SEMA4D: variants seen among roughly 807,000 people sequenced by gnomAD.
SEMA4D encodes the protein semaphorin 4D.
In SEMA4D, 22 loss-of-function variants were observed where a neutral mutation model predicts 74.8. The observed-to-expected ratio is 0.29, with a 90% CI of 0.21 to 0.42. The LOEUF is 0.42. SEMA4D is among the 10% of genes least tolerant of loss of function. The probability of loss-of-function intolerance (pLI) is 1.00; values close to 1 mark genes in which losing one functional copy is unlikely to be tolerated. For synonymous variants in SEMA4D, 445 were observed against 463.7 expected (o/e 0.96, Z 0.52); for missense variants, 937 against 1,118.4 (o/e 0.84, Z 2.31).
At chr9:89,483,716 G>A (rs1252484063) in intron 1 of SEMA4D, among the ~76,000 whole-genome samples, 1 of 101,556 alleles carries the variant, frequency 9.8e-6, no homozygotes, top group Non-Finnish European at 2.2e-5. Context: ...AAAACTTACT[G>A]GCATGTGTGC....
In SEMA4D at chr9:89,412,123, C is replaced by A. The variant is rs535122389; in HGVS notation, c.-243-6424G>T. Among the ~76,000 whole-genome samples the A allele has an allele frequency of 3.3e-5, 5 of 152,156 alleles. No individual in the cohort carries two copies. The East Asian group carries it at 9.6e-4, about 29-fold the overall frequency. On this transcript the variant is annotated intron_variant, in intron 2 of 15. Coordinates refer to ENST00000422704, the MANE Select transcript of SEMA4D (RefSeq NM_001371194.2). The stretch of plus-strand genomic sequence containing the variant: ...GTGGTATTGTTTTCATAGCACTTGG[C>A]CTAAGGACCTAAAAACGCCTCCCTG...
At chr9:89,468,717 T>C (rs564700006) in intron 1 of SEMA4D, among the ~76,000 whole-genome samples, 10 of 152,082 alleles carry the variant, frequency 6.6e-5, no homozygotes, top group African/African-American at 2.2e-4. Context: ...TGGCTGCGGG[T>C]TTCTTCTCAC....
At chr9:89,425,296 C>T (rs915658945) in intron 2 of SEMA4D, among the ~76,000 whole-genome samples, 5 of 152,206 alleles carry the variant, frequency 3.3e-5, no homozygotes, top group African/African-American at 1.2e-4. Flanking sequence ...AGCTCGAAGG[C>T]CAGGGCAACC....
chr9:89,455,563 AGCTGGTGCTGAGGCT>A (rs1248550261), intron 2 of SEMA4D, among the ~76,000 whole-genome samples: 2 of 152,142 alleles, frequency 1.3e-5, no homozygotes, highest in Non-Finnish European at 1.5e-5. Context: ...CTGCCGGGGA[AGCTGGTGCTGAGGCT>A]GGGTACTGGG....
At chr9:89,386,307 A>G in intron 13 of SEMA4D, 60 bp downstream of exon 13, 1 of 1,344,864 alleles carries the variant, frequency 7.4e-7, no homozygotes, top group South Asian at 1.3e-5. Context: ...CTCTCCTGTC[A>G]CCTAGAATCA....
At chr9:89,430,362 G>GTCT (rs1411467498) in intron 2 of SEMA4D, among the ~76,000 whole-genome samples, 1 of 152,144 alleles carries the variant, frequency 6.6e-6, no homozygotes, top group Non-Finnish European at 1.5e-5. Flanking sequence ...TGAGTTAGAT[G>GTCT]CCCTCCAAGC....
intron 1 of SEMA4D, among the ~76,000 whole-genome samples, chr9:89,457,321 C>CA (rs1856186502): frequency 6.6e-6 from 1 of 152,174 alleles, no homozygotes; most frequent in Admixed American, 6.5e-5. Flanking sequence ...CACAAAGCTA[C>CA]ACCATGAGGG....
intron 2 of SEMA4D, among the ~76,000 whole-genome samples, chr9:89,437,753 C>T (rs1235941049): frequency 6.6e-6 from 1 of 152,220 alleles, no homozygotes; most frequent in Non-Finnish European, 1.5e-5. Context: ...GACAGCCACA[C>T]AAATGAGGTC....
intron 16 of SEMA4D, chr9:89,364,241 C>T: frequency 2.0e-6 from 1 of 504,348 alleles, no homozygotes; most frequent in Non-Finnish European, 3.5e-6. Context: ...CAGCGCTGTG[C>T]TGGTTTCTTA....
chr9:89,443,530 C>A (rs1852147372), intron 2 of SEMA4D, among the ~76,000 whole-genome samples: 1 of 152,250 alleles, frequency 6.6e-6, no homozygotes, highest in African/African-American at 2.4e-5. Flanking sequence ...ATAATAGCCA[C>A]CCGGGAAGCA....
chr9:89,480,790 C>G (rs577715710), intron 1 of SEMA4D, among the ~76,000 whole-genome samples: 1 of 152,372 alleles, frequency 6.6e-6, no homozygotes, highest in South Asian at 2.1e-4. Context: ...TGTTCCCGCT[C>G]CTGCCTCTCC....
chr9:89,495,472 C>A (rs909954650), intron 1 of SEMA4D, among the ~76,000 whole-genome samples: 4 of 152,070 alleles, frequency 2.6e-5, no homozygotes, highest in African/African-American at 9.7e-5. Flanking sequence ...ATGCAATGGG[C>A]AGGGCTGAGG....
chr9:89,453,156 A>G (rs577446317), intron 2 of SEMA4D, among the ~76,000 whole-genome samples: 72 of 152,342 alleles, frequency 4.7e-4, no homozygotes, highest in African/African-American at 1.7e-3. Context: ...GTGCAGGTGA[A>G]GCAGCCCTGC....
At chr9:89,430,356 TTAGA>T (rs1348344944) in intron 2 of SEMA4D, among the ~76,000 whole-genome samples, 1 of 151,996 alleles carries the variant, frequency 6.6e-6, no homozygotes, top group Non-Finnish European at 1.5e-5. Flanking sequence ...ACTGGGTGAG[TTAGA>T]TGCCCTCCAA....
At chr9:89,399,901 G>A (rs961165656) in intron 4 of SEMA4D, among the ~76,000 whole-genome samples, 2 of 151,548 alleles carry the variant, frequency 1.3e-5, no homozygotes, top group African/African-American at 4.8e-5. Context: ...GAGAGGCTGA[G>A]GCAGGAGAAT....
intron 2 of SEMA4D, among the ~76,000 whole-genome samples, chr9:89,448,994 T>C (rs531642472): frequency 1.1e-4 from 17 of 152,240 alleles, no homozygotes; most frequent in African/African-American, 2.9e-4. Flanking sequence ...AGCACGCCCA[T>C]TGATGCATTC....
chr9:89,373,368 G>A (rs1256325732), downstream of SEMA4D, among the ~76,000 whole-genome samples: 1 of 152,198 alleles, frequency 6.6e-6, no homozygotes, highest in Non-Finnish European at 1.5e-5. Flanking sequence ...TCTGAGCACT[G>A]GCCAAGTGTT....
At chr9:89,438,288 A>G (rs1306382222) in intron 2 of SEMA4D, among the ~76,000 whole-genome samples, 1 of 152,270 alleles carries the variant, frequency 6.6e-6, no homozygotes, top group African/African-American at 2.4e-5. Flanking sequence ...TGGGGGCCTC[A>G]GCTGGTGCTG....
At chr9:89,421,679 G>C (rs1044425700) in intron 2 of SEMA4D, among the ~76,000 whole-genome samples, 4 of 152,324 alleles carry the variant, frequency 2.6e-5, no homozygotes, top group African/African-American at 7.2e-5. Flanking sequence ...CTATGCAACT[G>C]TTAAAAAGAA....
Sources: gnomAD v4.1 joint callset for allele counts (sites outside exome capture counted in the v4.1 genomes callset) on GRCh38, gnomAD v4.1.1 for gene constraint, MANE v1.5 for transcripts, NCBI Gene and HGNC (gene_info 2026-07-23, HGNC 2026-07-21) for gene names.